The following VAT1 variants were observed in gnomAD, a reference collection of about 807,000 sequenced individuals.
The protein encoded by VAT1 is vesicle amine transport 1.
A neutral mutation model predicts 33.3 loss-of-function variants in VAT1; 24 were observed. The ratio of observed to expected loss-of-function variants is 0.72; its 90% CI spans 0.52 to 1.01. The LOEUF (loss-of-function observed/expected upper bound fraction) is 1.01. Among genes scored for constraint, VAT1 ranks in the 50% least tolerant of loss-of-function variants. The pLI is 0.00. For missense variants in VAT1, 436 were observed against 533.7 expected (o/e 0.82, Z 1.80); for synonymous variants, 212 against 225.0 (o/e 0.94, Z 0.52).
intron 1 of VAT1, among the ~76,000 whole-genome samples, chr17:43,019,773 C>A (rs934856195): frequency 6.6e-6 from 1 of 152,152 alleles, no homozygotes; most frequent in Admixed American, 6.5e-5. Context: ...CTCTGAAGAG[C>A]ATGAAGAGGG....
At chr17:43,020,874 T>TAAA (rs57324710) in intron 1 of VAT1, among the ~76,000 whole-genome samples, 1 of 100,176 alleles carries the variant, frequency 1.0e-5, no homozygotes, top group Non-Finnish European at 2.1e-5. Flanking sequence ...AAACTCCGTC[T>TAAA]AAAAAAAAAA....
chr17:43,020,264 T>TA (rs1914779699), intron 1 of VAT1: 1 of 985,382 alleles, frequency 1.0e-6, no homozygotes, highest in African/African-American at 1.7e-5. Context: ...TCCAGGCTCT[T>TA]ACATCAGATT....
rs1039946146 is a variant in VAT1, at chr17:43,022,120, G to A, written c.203C>T (p.Pro68Leu). 4 of 1,564,596 alleles carry A rather than the reference G, an allele frequency of 2.6e-6. No individual in the cohort carries two copies. The highest frequency in any genetic ancestry group is 2.3e-5 in the South Asian group (2 of 86,082). ...GYDKVKLQSR[P>L]AAPPAPGPGQ... ...GGGCCCAGGGGCCGGGGGCGCTGCC[G>A]GCCGGCTCTGCAGCTTCACCTTGTC... is the stretch of plus-strand genomic sequence containing the variant. The change falls in exon 1 of 6, where the codon CCG (proline) becomes CTG (leucine). Residue 68 changes from proline (P) to leucine (L), a missense_variant. Transcript: ENST00000355653.
intron 1 of VAT1, among the ~76,000 whole-genome samples, chr17:43,021,606 T>TGGGGGGGGGG (rs35999638): frequency 2.8e-4 from 14 of 49,416 alleles, no homozygotes; most frequent in Middle Eastern, 0.014. Flanking sequence ...GTGGTTTTAA[T>TGGGGGGGGGG]GGGGGGGGGG....
Position 43,016,423 on chromosome 17 carries a change from G to C in VAT1, c.982C>G (p.Leu328Val). 6.2e-7 allele frequency: 1 copy of C among 1,614,164 alleles called. No individual in the cohort carries two copies. ...TCCACCTCACCATCCAGGTAGCCCAGGTGGAAGCCACACACAGCCCGGTTG... is the reference window on the plus strand; with the variant it reads ...TCCACCTCACCATCCAGGTAGCCCACGTGGAAGCCACACACAGCCCGGTTG... Reference protein sequence around the residue: ...QANRAVCGFHLGYLDGEVELV... With the variant: ...QANRAVCGFHVGYLDGEVELV... Residue 328 changes from leucine (L) to valine (V), a missense_variant, in exon 5 of 6, where the codon CTG (leucine) becomes GTG (valine). By Grantham distance (32) the Leu-to-Val change is conservative. Around this residue, in one of 2 missense-constraint regions of VAT1, gnomAD observed 282 missense variants for 405.4 expected, o/e 0.70. Coordinates refer to ENST00000355653, the MANE Select transcript of VAT1 (RefSeq NM_006373.4).
chr17:43,018,579 G>C lies in VAT1; in HGVS notation c.595+13C>G. 1 of 1,612,762 alleles carries C rather than the reference G, an allele frequency of 6.2e-7. No homozygotes were observed. The highest frequency in any genetic ancestry group is 8.5e-7 in the Non-Finnish European group (1 of 1,179,954). ...GGTGGGGTAAGGGGTGATAAAGTGA[G>C]GGGACCTGTCACCTGCAGCCATGTG... On this transcript the variant is annotated intron_variant, in intron 2 of 5. Transcript: ENST00000355653.
In VAT1 at chr17:43,017,882, C is replaced by G. The variant is rs754343625; in HGVS notation, c.815G>C (p.Gly272Ala). The change falls in exon 4 of 6, where the codon GGC (glycine) becomes GCC (alanine). Residue 272 changes from glycine (G) to alanine (A), a missense_variant. Coordinates refer to ENST00000355653, the MANE Select transcript of VAT1 (RefSeq NM_006373.4). ...GCCCATGGGTTTCAGGAGGTTGTAG[C>G]CCTTGGCAGTATCTGACCCACCCAG... ...DPLGGSDTAK[G>A]YNLLKPMGKV... 2.8e-4 allele frequency: 448 copies of G among 1,614,088 alleles called. No homozygotes were observed. The highest frequency in any genetic ancestry group is 3.5e-4 in the Non-Finnish European group (418 of 1,180,048).
rs73311408 is a variant in VAT1, at chr17:43,017,736, G to A, written c.856+105C>T. On this transcript the variant is annotated intron_variant, in intron 4 of 5. Transcript: ENST00000355653. ...CCCTGATCGTCTACAGAGCACCTGA[G>A]TCCCTACCCCTTCTTCATTCAAAAG... 5.9e-3 allele frequency: 5,917 copies of A among 995,344 alleles called. 235 individuals are homozygous for A. In the African/African-American group the frequency reaches 0.086, roughly 14 times the overall value. The allele number at this position is 995,344 out of a possible 1,614,324, so 61.7% of individuals were successfully genotyped here.
chr17:43,018,441 T>C, intron 2 of VAT1, 151 bp downstream of exon 2: 6 of 1,002,854 alleles, frequency 6.0e-6, no homozygotes, highest in Non-Finnish European at 8.7e-6. Context: ...GCCTGAATGT[T>C]ACCACGGCAA....
At chr17:43,018,830 C>T in intron 1 of VAT1, 31 bp from the exon 2 acceptor site, 2 of 1,612,336 alleles carry the variant, frequency 1.2e-6, no homozygotes, top group Non-Finnish European at 1.7e-6. Flanking sequence ...CATTCAGTCA[C>T]TCATTCATTC....
chr17:43,022,355 A>C lies in VAT1; in HGVS notation c.-33T>G, dbSNP rs559697845. 2.6e-6 allele frequency: 4 copies of C among 1,527,528 alleles called. No individual in the cohort carries two copies. The South Asian group carries it at 4.8e-5, about 18-fold the overall frequency. The allele number at this position is 1,527,528 out of a possible 1,614,324, so 94.6% of individuals were successfully genotyped here. ...ACTCCCGACGAGAGCGCACAGCTGG[A>C]TGGAGAGTGCACAGCTGGGGAAGGC... On this transcript the variant is annotated 5_prime_UTR_variant, in exon 1 of 6. Transcript: ENST00000355653.
At chr17:43,020,395 C>T (rs115889966) in intron 1 of VAT1, 4 of 618,832 alleles carry the variant, frequency 6.5e-6, no homozygotes, top group African/African-American at 6.0e-5. Context: ...TCCTCTTAGA[C>T]GCCTGCTCAA....
intron 2 of VAT1, 57 bp downstream of exon 2, chr17:43,018,535 G>C: frequency 1.3e-6 from 2 of 1,583,916 alleles, no homozygotes; most frequent in Middle Eastern, 2.2e-4. Flanking sequence ...TGCAGGGAAG[G>C]GGCCTGGAAG....
rs749113325 is a variant in VAT1 at position 43,022,193 on chromosome 17, AGGC to A, written c.127_129del (p.Ala43del). The A allele has an allele frequency of 5.4e-5, 84 of 1,556,164 alleles. No homozygotes were observed. The highest frequency in any genetic ancestry group is 2.2e-4 in the East Asian group (9 of 41,242). On this transcript the variant is annotated inframe_deletion, in exon 1 of 6. Coordinates refer to ENST00000355653, the MANE Select transcript of VAT1 (RefSeq NM_006373.4). Reference sequence around the variant, plus strand: ...ACTAGGCAGCGCAGCAGTGGCGGCGAGGCGGCGGCGGCGGCGGCCCCTTCGGAG... The same window carrying A: ...ACTAGGCAGCGCAGCAGTGGCGGCGAGGCGGCGGCGGCGGCCCCTTCGGAG...
Position 43,018,447 on chromosome 17 carries a change from G to A in VAT1, c.595+145C>T, listed in dbSNP as rs181742838. The A allele has an allele frequency of 4.5e-5, 46 of 1,022,168 alleles. No individual in the cohort carries two copies. In the African/African-American group the frequency reaches 6.0e-4, roughly 13 times the overall value. The allele number at this position is 1,022,168 out of a possible 1,614,324, so 63.3% of individuals were successfully genotyped here. A position where few individuals can be genotyped will look rare whatever the true frequency, so the allele number is the denominator to read the frequency against. ...AGACCTGGTGCCTGAATGTTACCAC[G>A]GCAACTACACAGCAGAGGCCTCTGG... On this transcript the variant is annotated intron_variant, in intron 2 of 5. Transcript: ENST00000355653.
At chr17:43,019,959 C>T (rs769926568) in intron 1 of VAT1, among the ~76,000 whole-genome samples, 13 of 152,106 alleles carry the variant, frequency 8.5e-5, no homozygotes, top group Non-Finnish European at 1.8e-4. Flanking sequence ...GAACTGAGGG[C>T]ATGCTGGGGT....
At chr17:43,016,202 C>T in intron 5 of VAT1, 58 bp from the exon 6 acceptor site, 3 of 1,612,736 alleles carry the variant, frequency 1.9e-6, no homozygotes, top group Non-Finnish European at 2.5e-6. Context: ...CCAACAAGAG[C>T]CAGTGTGATG....
At chr17:43,018,464 G>A in intron 2 of VAT1, 128 bp downstream of exon 2, 1 of 1,112,816 alleles carries the variant, frequency 9.0e-7, no homozygotes, top group Non-Finnish European at 1.3e-6. Flanking sequence ...ACACAGCAGA[G>A]GCCTCTGGGA....
intron 1 of VAT1, among the ~76,000 whole-genome samples, chr17:43,020,604 G>C (rs1182420635): frequency 6.6e-6 from 1 of 152,090 alleles, no homozygotes; most frequent in Non-Finnish European, 1.5e-5. Flanking sequence ...CTGGCCAAGC[G>C]CAGTGGCTTA....
Sources: allele counts gnomAD v4.1 joint callset (sites outside exome capture counted in the v4.1 genomes callset), GRCh38; gene constraint gnomAD v4.1.1; regional missense constraint gnomAD v4.1.1; transcripts MANE v1.5; gene names NCBI Gene and HGNC (gene_info 2026-07-23, HGNC 2026-07-21).